The following ZNF492 variants were observed in gnomAD, a reference collection of about 807,000 sequenced individuals.
ZNF492 encodes the protein zinc finger protein 492.
ZNF492 carries 3 observed loss-of-function variants against 6.4 expected under a neutral mutation model. The observed-to-expected ratio is 0.47, with a 90% CI of 0.21 to 1.22. The LOEUF is 1.22. Ranked by LOEUF, ZNF492 falls within the 50% of genes most tolerant of loss-of-function variation. ZNF492 has a pLI of 0.22. For synonymous variants in ZNF492, 112 were observed against 205.3 expected (o/e 0.55, Z 3.89); for missense variants, 356 against 612.5 (o/e 0.58, Z 4.42).
At chr19:22,635,905 G>A (rs1971756689) in intron 1 of ZNF492, among the ~76,000 whole-genome samples, 2 of 152,120 alleles carry the variant, frequency 1.3e-5, no homozygotes, top group South Asian at 2.1e-4. Context: ...TACACATGCA[G>A]GTTTGTTATA....
At chr19:22,642,423 A>T (rs112762358) in intron 1 of ZNF492, among the ~76,000 whole-genome samples, 4,499 of 86,286 alleles carry the variant, frequency 0.052, 80 homozygotes, top group African/African-American at 0.11. Context: ...GGAGTCTCGC[A>T]CTGTTGCCCA....
rs2145268098 is a variant in ZNF492, at chr19:22,666,792, A to G, written c.*1527A>G. The G allele has an allele frequency of 6.6e-6, 1 of 152,362 alleles. No homozygotes were observed. Among genetic ancestry groups the G allele is most frequent in the Non-Finnish European group, 1.5e-5 (1 of 68,036 alleles). The allele number at this position is 152,362 out of a possible 1,614,324, so 9.4% of individuals were successfully genotyped here. Reference sequence around the variant, plus strand: ...ACTAATTTTACTTTTATGAAAATGCAGTACATGTTAAAAATTTTAGATTAT... The same window carrying G: ...ACTAATTTTACTTTTATGAAAATGCGGTACATGTTAAAAATTTTAGATTAT... On this transcript the variant is annotated 3_prime_UTR_variant, in exon 4 of 4. Transcript: ENST00000456783.
intron 1 of ZNF492, among the ~76,000 whole-genome samples, chr19:22,636,544 GTT>G (rs1491156477): frequency 2.0e-5 from 3 of 150,120 alleles, no homozygotes; most frequent in Non-Finnish European, 4.5e-5. Context: ...GTGTGTGTGT[GTT>G]TGTGTGTGTG....
intron 1 of ZNF492, among the ~76,000 whole-genome samples, chr19:22,639,711 C>CAAA (rs34864212): frequency 3.9e-4 from 35 of 90,578 alleles, no homozygotes; most frequent in South Asian, 1.1e-3. Context: ...AACTTGGTCT[C>CAAA]AAAAAAAAAA....
intron 1 of ZNF492, among the ~76,000 whole-genome samples, chr19:22,638,200 A>G (rs1971787309): frequency 6.6e-6 from 1 of 152,102 alleles, no homozygotes; most frequent in Admixed American, 6.5e-5. Flanking sequence ...TGCTGTGAAG[A>G]AGCTTTTTAG....
chr19:22,641,993 C>T (rs964276267), intron 1 of ZNF492, among the ~76,000 whole-genome samples: 3 of 152,046 alleles, frequency 2.0e-5, no homozygotes, highest in African/African-American at 7.2e-5. Context: ...CGGGGTTTCA[C>T]CATGTTAGCC....
intron 1 of ZNF492, among the ~76,000 whole-genome samples, chr19:22,646,723 T>TGAAA (rs1971880896): frequency 6.6e-6 from 1 of 152,184 alleles, no homozygotes; most frequent in South Asian, 2.1e-4. Context: ...GTTCTTAACA[T>TGAAA]GAAAGAAAGT....
At position 22,650,007 on chromosome 19, in the gene ZNF492, T is replaced by C. The variant is rs116576571; in HGVS notation, c.-93-3300T>C. ...CCTTGCTGGAGAGGCATTGCAATCATTTGGAGAAGAAGAGGCACCCTTGCC... is the reference window on the plus strand; with the variant it reads ...CCTTGCTGGAGAGGCATTGCAATCACTTGGAGAAGAAGAGGCACCCTTGCC... On this transcript the variant is annotated intron_variant, in intron 1 of 3. Coordinates refer to ENST00000456783, the MANE Select transcript of ZNF492 (RefSeq NM_020855.3). 6.1e-3 allele frequency among the ~76,000 whole-genome samples: 923 copies of C among 152,298 alleles called. 11 individuals carry two copies. Among genetic ancestry groups the C allele is most frequent in the African/African-American group, 0.019 (778 of 41,572 alleles).
chr19:22,652,223 T>TTTTTTTTTC (rs1971947128), intron 1 of ZNF492, among the ~76,000 whole-genome samples: 1 of 114,722 alleles, frequency 8.7e-6, no homozygotes, highest in Non-Finnish European at 1.6e-5. Context: ...TTCTTAGGCT[T>TTTTTTTTTC]TTTTTTTTTT....
chr19:22,654,780 T>G (rs1971977434), intron 3 of ZNF492, among the ~76,000 whole-genome samples: 1 of 151,188 alleles, frequency 6.6e-6, no homozygotes, highest in African/African-American at 2.4e-5. Flanking sequence ...TTTTGTATTT[T>G]TAGTAGAGAT....
chr19:22,653,791 T>C (rs1971965900), intron 2 of ZNF492, 129 bp from the exon 3 acceptor site: 1 of 856,444 alleles, frequency 1.2e-6, no homozygotes, highest in Non-Finnish European at 1.7e-6. Context: ...TATTTAAAAT[T>C]TTTTGTTGTG....
Position 22,663,796 on chromosome 19 carries a change from T to G in ZNF492, c.131-4T>G, listed in dbSNP as rs1972083214. On this transcript the variant is annotated splice_polypyrimidine_tract_variant and splice_region_variant and intron_variant, in intron 3 of 3. Transcript: ENST00000456783. Reference sequence around the variant, plus strand: ...AAGTAATTTATTATTTTTATTTCTTTCAGTTGTATGTTCTTATTTTGCCCG... The same window carrying G: ...AAGTAATTTATTATTTTTATTTCTTGCAGTTGTATGTTCTTATTTTGCCCG... 2.0e-6 allele frequency: 3 copies of G among 1,491,664 alleles called. No individual in the cohort carries two copies. Among genetic ancestry groups the G allele is most frequent in the East Asian group, 4.6e-5 (2 of 43,194 alleles). The allele number at this position is 1,491,664 out of a possible 1,614,324, so 92.4% of individuals were successfully genotyped here.
chr19:22,662,830 G>A (rs1286430755), intron 3 of ZNF492, among the ~76,000 whole-genome samples: 1 of 151,570 alleles, frequency 6.6e-6, no homozygotes, highest in African/African-American at 2.4e-5. Context: ...GATTCTGGAT[G>A]TTTGCCCTTT....
At chr19:22,641,882 C>T (rs1599394940) in intron 1 of ZNF492, among the ~76,000 whole-genome samples, 1 of 152,162 alleles carries the variant, frequency 6.6e-6, no homozygotes. Context: ...CAAGCTCCGC[C>T]TCCCGGGTTC....
chr19:22,652,143 C>T (rs1971945957), intron 1 of ZNF492, among the ~76,000 whole-genome samples: 1 of 151,092 alleles, frequency 6.6e-6, no homozygotes, highest in Non-Finnish European at 1.5e-5. Flanking sequence ...AATTATTTTT[C>T]TCTTCATTAC....
chr19:22,655,592 C>T (rs1162498051), intron 3 of ZNF492, among the ~76,000 whole-genome samples: 1 of 148,612 alleles, frequency 6.7e-6, no homozygotes, highest in Non-Finnish European at 1.5e-5. Context: ...TTTAAATGTA[C>T]TGTTTATGGT....
chr19:22,654,891 G>A (rs1356444418), intron 3 of ZNF492, among the ~76,000 whole-genome samples: 5 of 150,252 alleles, frequency 3.3e-5, no homozygotes, highest in African/African-American at 4.9e-5. Context: ...GTGACCCACC[G>A]TGCCTGACTG....
rs375808082 is a variant in ZNF492, at chr19:22,644,792, A to C, written c.-93-8515A>C. On this transcript the variant is annotated intron_variant, in intron 1 of 3. Coordinates refer to ENST00000456783, the MANE Select transcript of ZNF492 (RefSeq NM_020855.3). ...TGGTATTTCTGGTTCTAGATCCTTG[A>C]GGAATCACCACACTGTCTTCGACGA... 8.5e-4 allele frequency among the ~76,000 whole-genome samples: 130 copies of C among 152,308 alleles called. 1 individual carries two copies. Among genetic ancestry groups the C allele is most frequent in the African/African-American group, 2.9e-3 (120 of 41,578 alleles).
At chr19:22,648,935 TA>T (rs1316633992) in intron 1 of ZNF492, among the ~76,000 whole-genome samples, 1 of 152,206 alleles carries the variant, frequency 6.6e-6, no homozygotes, top group Non-Finnish European at 1.5e-5. Context: ...CATTTACATT[TA>T]AGGTTAGTAT....
Sources: gnomAD v4.1 joint callset for allele counts (sites outside exome capture counted in the v4.1 genomes callset) on GRCh38, gnomAD v4.1.1 for gene constraint, MANE v1.5 for transcripts, NCBI Gene and HGNC (gene_info 2026-07-23, HGNC 2026-07-21) for gene names.